Variants in PTPRK observed in about 807,000 individuals in gnomAD.
PTPRK encodes protein tyrosine phosphatase receptor type K.
In PTPRK, 75 loss-of-function variants were observed where a neutral mutation model predicts 178.0. The ratio of observed to expected loss-of-function variants is 0.42; its 90% CI spans 0.35 to 0.51. The LOEUF (loss-of-function observed/expected upper bound fraction) is 0.51. Among genes scored for constraint, PTPRK ranks in the 20% least tolerant of loss-of-function variants. The pLI, the probability that PTPRK is intolerant of heterozygous loss-of-function variation, is 0.02. For missense variants in PTPRK, 1,441 were observed against 1,797.8 expected (o/e 0.80, Z 3.59); for synonymous variants, 637 against 620.6 (o/e 1.03, Z -0.39).
chr6:128,344,921 A>C (rs918731407), intron 2 of PTPRK, among the ~76,000 whole-genome samples: 2 of 152,114 alleles, frequency 1.3e-5, no homozygotes, highest in Non-Finnish European at 2.9e-5. Context: ...TAATCTAGAG[A>C]AAACAATTTG....
chr6:128,113,266 C>T (rs1790965436), intron 7 of PTPRK, among the ~76,000 whole-genome samples: 1 of 151,788 alleles, frequency 6.6e-6, no homozygotes, highest in Admixed American at 6.6e-5. Flanking sequence ...CATATGTACA[C>T]AGACAGAAGA....
rs996861937 is a variant in PTPRK at position 128,007,962 on chromosome 6, CAGAG to C, written c.2333+1164_2333+1167del. 5.2e-6 allele frequency: 5 copies of C among 959,300 alleles called. No homozygotes were observed. The African/African-American group carries it at 7.0e-5, about 13-fold the overall frequency. 59.4% of individuals were successfully genotyped at this position (959,300 alleles called of 1,614,324 possible). A position where few individuals can be genotyped will look rare whatever the true frequency, so the allele number is the denominator to read the frequency against. On this transcript the variant is annotated intron_variant, in intron 14 of 29. Transcript: ENST00000368226. ...TCACATATGATGTATTTTCCAACCA[CAGAG>C]GGAGACAACAGCAAGAGAAAGCACT...
intron 7 of PTPRK, among the ~76,000 whole-genome samples, chr6:128,112,719 A>C (rs4897244): frequency 0.023 from 3,448 of 152,212 alleles, 113 homozygotes; most frequent in African/African-American, 0.048. Context: ...AAGAGGAGTC[A>C]TAATCCCCCT....
rs61077968 is a variant in PTPRK at position 128,459,251 on chromosome 6, A to C, written c.100+61008T>G. ...CACTAAATTAATTTACCGGGCTTCT[A>C]TAATGGTCAGGGCATGGCATCAAAA... On this transcript the variant is annotated intron_variant, in intron 1 of 29. Transcript: ENST00000368226. Among the ~76,000 whole-genome samples, 1,097 of 152,294 alleles carry C rather than the reference A, an allele frequency of 7.2e-3. 11 individuals are homozygous for C. The highest frequency in any genetic ancestry group is 0.026 in the African/African-American group (1,062 of 41,568).
At chr6:128,022,116 A>C (rs772659815) in intron 13 of PTPRK, among the ~76,000 whole-genome samples, 7 of 151,638 alleles carry the variant, frequency 4.6e-5, no homozygotes, top group Non-Finnish European at 8.8e-5. Flanking sequence ...ACTGTTTGGA[A>C]AACAGAGTTT....
chr6:128,079,324 G>T (rs1324688509), intron 10 of PTPRK, among the ~76,000 whole-genome samples: 2 of 151,868 alleles, frequency 1.3e-5, no homozygotes, highest in African/African-American at 4.8e-5. Flanking sequence ...TGAGGTCAAG[G>T]GCTACCTGGT....
chr6:128,041,097 A>G (rs1441484880), intron 13 of PTPRK, among the ~76,000 whole-genome samples: 1 of 152,138 alleles, frequency 6.6e-6, no homozygotes, highest in East Asian at 1.9e-4. Flanking sequence ...TTTAAAATGA[A>G]TTAAAATTTC....
chr6:128,276,652 G>A (rs1820769536), intron 3 of PTPRK, among the ~76,000 whole-genome samples: 1 of 152,114 alleles, frequency 6.6e-6, no homozygotes, highest in Admixed American at 6.6e-5. Context: ...CCATTGGGAG[G>A]TAAACTGATT....
At position 128,482,485 on chromosome 6, in the gene PTPRK, A is replaced by C. The variant is rs139873750; in HGVS notation, c.100+37774T>G. On this transcript the variant is annotated intron_variant, in intron 1 of 29. Transcript: ENST00000368226. ...AGGACTAGAAACAGAGACCTGTTTA[A>C]AATAAAATTTATACACCAGAAGAGG... Among the ~76,000 whole-genome samples the C allele has an allele frequency of 2.5e-3, 381 of 152,330 alleles. 1 individual carries two copies. The highest frequency in any genetic ancestry group is 9.9e-3 in the South Asian group (48 of 4,832).
chr6:127,973,026 G>T lies in PTPRK; in HGVS notation c.4265C>A (p.Ala1422Asp). 3 of 1,613,892 alleles carry T rather than the reference G, an allele frequency of 1.9e-6. No homozygotes were observed. Among genetic ancestry groups the T allele is most frequent in the Non-Finnish European group, 2.5e-6 (3 of 1,179,846 alleles). The change falls in exon 29 of 30, where the codon GCC (alanine) becomes GAC (aspartate). Residue 1422 changes from alanine (A) to aspartate (D), a missense_variant. Ala to Asp is a moderately radical substitution (Grantham distance 126). Coordinates refer to ENST00000368226, the MANE Select transcript of PTPRK (RefSeq NM_002844.4). ...LRNSKPNMVE[A>D]PEQYRFCYDV... is the part of the protein sequence containing the mutation. Reference sequence around the variant, plus strand: ...ATCTAAGATTCTGTGACTCACCGGGGCTTCCACCATGTTTGGCTTGCTGTT... The same window carrying T: ...ATCTAAGATTCTGTGACTCACCGGGTCTTCCACCATGTTTGGCTTGCTGTT...
chr6:128,513,284 T>C (rs1857439390), intron 1 of PTPRK, among the ~76,000 whole-genome samples: 2 of 151,786 alleles, frequency 1.3e-5, no homozygotes, highest in African/African-American at 4.8e-5. Flanking sequence ...CAGGAGTTCG[T>C]GACCAGCCTG....
intron 7 of PTPRK, among the ~76,000 whole-genome samples, chr6:128,111,736 T>A (rs1170468601): frequency 6.6e-6 from 1 of 152,048 alleles, no homozygotes; most frequent in Non-Finnish European, 1.5e-5. Context: ...TCTCCAGGAT[T>A]CTTTATTTGA....
intron 7 of PTPRK, among the ~76,000 whole-genome samples, chr6:128,158,461 G>C (rs1028196007): frequency 1.3e-5 from 2 of 151,872 alleles, no homozygotes; most frequent in African/African-American, 4.8e-5. Flanking sequence ...TAAGTGAACA[G>C]CTTCTCTGTC....
chr6:128,067,633 C>G lies in PTPRK; in HGVS notation c.2043G>C (p.Glu681Asp). The G allele has an allele frequency of 6.2e-7, 1 of 1,613,678 alleles. No homozygotes were observed. The highest frequency in any genetic ancestry group is 8.5e-7 in the Non-Finnish European group (1 of 1,179,742). ...AAELPPGNLP[E>D]PAPFTVGDNR... The stretch of plus-strand genomic sequence containing the variant: ...TGTCACCCACAGTGAACGGGGCAGG[C>G]TCAGGTAGGTTTCCCGGGGGGAGTT... Residue 681 changes from glutamate to aspartate, a missense_variant, in exon 12 of 30, where the codon GAG becomes GAC. This residue lies in a region of PTPRK where 945 missense variants were observed against 1,080.6 expected (regional missense o/e 0.87). Coordinates refer to ENST00000368226, the MANE Select transcript of PTPRK (RefSeq NM_002844.4).
chr6:128,198,108 C>T (rs1040828602), intron 6 of PTPRK, among the ~76,000 whole-genome samples: 2 of 152,134 alleles, frequency 1.3e-5, no homozygotes, highest in Admixed American at 6.6e-5. Context: ...GTGATCTATA[C>T]ATATCACCCA....
chr6:128,300,119 A>T (rs992261083), intron 3 of PTPRK, among the ~76,000 whole-genome samples: 15 of 152,214 alleles, frequency 9.9e-5, no homozygotes, highest in Non-Finnish European at 1.8e-4. Flanking sequence ...ACACGTGAAA[A>T]AATGCTCACC....
intron 7 of PTPRK, among the ~76,000 whole-genome samples, chr6:128,119,729 A>G (rs938748560): frequency 2.0e-5 from 3 of 152,188 alleles, no homozygotes; most frequent in Admixed American, 2.0e-4. Flanking sequence ...GATAAGGTTA[A>G]GTATAATGGA....
chr6:128,369,341 C>T (rs1202377483), intron 2 of PTPRK, among the ~76,000 whole-genome samples: 2 of 151,982 alleles, frequency 1.3e-5, no homozygotes, highest in African/African-American at 2.4e-5. Context: ...AGGCAGGGAA[C>T]CCCAGGTAAA....
chr6:128,200,763 G>A (rs954593610), intron 6 of PTPRK, among the ~76,000 whole-genome samples: 3 of 148,132 alleles, frequency 2.0e-5, no homozygotes, highest in South Asian at 4.4e-4. Context: ...AGCTGAAAAT[G>A]AGAAGTCAAT....
Sources: allele counts gnomAD v4.1 joint callset (sites outside exome capture counted in the v4.1 genomes callset), GRCh38; gene constraint gnomAD v4.1.1; regional missense constraint gnomAD v4.1.1; transcripts MANE v1.5; gene names NCBI Gene and HGNC (gene_info 2026-07-23, HGNC 2026-07-21).